Variants in RNF123 observed in about 807,000 individuals in gnomAD.
The protein encoded by RNF123 is ring finger protein 123.
A neutral mutation model predicts 168.5 loss-of-function variants in RNF123; 86 were observed. The observed-to-expected ratio is 0.51, with a 90% CI of 0.43 to 0.61. The LOEUF is 0.61. Ranked by LOEUF, RNF123 falls within the 20% of genes least tolerant of loss-of-function variation. The pLI, the probability that RNF123 is intolerant of heterozygous loss-of-function variation, is 0.00. For missense variants in RNF123, 1,419 were observed against 1,729.7 expected, an observed-to-expected ratio of 0.82 and a Z score of 3.19; for synonymous variants, 666 against 689.1, an observed-to-expected ratio of 0.97 and a Z score of 0.52.
chr3:49,704,064 T>C (rs1187528983), intron 21 of RNF123, among the ~76,000 whole-genome samples: 2 of 152,130 alleles, frequency 1.3e-5, no homozygotes, highest in East Asian at 3.9e-4. Context: ...CCAGAGGTTG[T>C]GTGGATGGGG....
chr3:49,705,723 G>C (rs371280884), intron 24 of RNF123, 44 bp downstream of exon 24: 9 of 1,611,406 alleles, frequency 5.6e-6, no homozygotes, highest in African/African-American at 1.3e-5. Context: ...GGTGTTGTGC[G>C]TGTTTGGTTG....
chr3:49,695,269 AT>A (rs80300762), intron 3 of RNF123, among the ~76,000 whole-genome samples: 99 of 147,006 alleles, frequency 6.7e-4, no homozygotes, highest in African/African-American at 1.3e-3. Context: ...CACCCAGCTA[AT>A]TTTTTTTTTT....
chr3:49,716,159 G>C lies in RNF123; in HGVS notation c.3397G>C (p.Val1133Leu), dbSNP rs1223450370. The C allele has an allele frequency of 6.2e-7, 1 of 1,613,646 alleles. No homozygotes were observed. The highest frequency in any genetic ancestry group is 2.2e-5 in the East Asian group (1 of 44,842). The stretch of plus-strand genomic sequence containing the variant: ...TGAGAGGAACCTGTTTGATCGTGTG[G>C]TCACCCTACGGCTGCCTGGTGAGGA... ...TAERNLFDRV[V>L]TLRLPGLESV... The change falls in exon 34 of 39, where the codon GTC becomes CTC. Residue 1133 changes from valine (V) to leucine (L), a missense_variant. Physicochemically the swap from Val to Leu is conservative, Grantham distance 32 (BLOSUM62 1). Around this residue, in one of 5 missense-constraint regions of RNF123, gnomAD observed 164 missense variants for 152.3 expected, o/e 1.08. Transcript: ENST00000327697.
chr3:49,715,490 A>G (rs1259222311), intron 31 of RNF123, 85 bp from the exon 32 acceptor site: 15 of 1,525,338 alleles, frequency 9.8e-6, no homozygotes, highest in Admixed American at 3.5e-5. Context: ...CTTATACCAA[A>G]GCCTCAATGG....
At chr3:49,716,748 A>C in intron 35 of RNF123, 1 of 450,258 alleles carries the variant, frequency 2.2e-6, no homozygotes, top group Middle Eastern at 6.0e-4. Context: ...CAGGCATGGG[A>C]GGCAGGACTC....
intron 26 of RNF123, among the ~76,000 whole-genome samples, chr3:49,707,509 C>A (rs753999961): frequency 5.3e-5 from 8 of 152,112 alleles, no homozygotes; most frequent in Non-Finnish European, 8.8e-5. Flanking sequence ...GAAGTTTCAC[C>A]CCCAGGCCTC....
At position 49,704,706 on chromosome 3, in the gene RNF123, G is replaced by A. The variant is rs1443522369; in HGVS notation, c.1909G>A (p.Ala637Thr). The change falls in exon 22 of 39, where the codon GCC (alanine) becomes ACC (threonine). Residue 637 changes from alanine to threonine, a missense_variant. Physicochemically the swap from Ala to Thr is moderately conservative, Grantham distance 58 (BLOSUM62 0). Around this residue, in one of 5 missense-constraint regions of RNF123, gnomAD observed 538 missense variants for 708.8 expected, o/e 0.76. Coordinates refer to ENST00000327697, the MANE Select transcript of RNF123 (RefSeq NM_022064.5). ...VIDPLELQST[A>T]MDDLDEDEEP... ...CGACCCACTGGAGCTCCAGTCAACC[G>A]CCATGGATGACCTAGATGAGGATGA... The A allele has an allele frequency of 7.5e-6, 12 of 1,603,716 alleles. No individual in the cohort carries two copies. The highest frequency in any genetic ancestry group is 2.7e-5 in the African/African-American group (2 of 74,820).
At chr3:49,709,704 G>C (rs1467129496) in intron 26 of RNF123, among the ~76,000 whole-genome samples, 2 of 152,136 alleles carry the variant, frequency 1.3e-5, no homozygotes, top group African/African-American at 4.8e-5. Flanking sequence ...CTCCCAAAGT[G>C]CTGGGGTTAC....
In RNF123 at chr3:49,713,983, G is replaced by A. The variant is rs867463024; in HGVS notation, c.2911G>A (p.Val971Met). Reference sequence around the variant, plus strand: ...CTGGGCCCAGACCAACTGGATCCTGGTGCGGCTCTGGAGGGTAAGCCTGAC... The same window carrying A: ...CTGGGCCCAGACCAACTGGATCCTGATGCGGCTCTGGAGGGTAAGCCTGAC... Reference protein sequence around the residue: ...RPWAQTNWILVRLWRGCGFGY... With the variant: ...RPWAQTNWILMRLWRGCGFGY... The change falls in exon 30 of 39, where the codon GTG (valine) becomes ATG (methionine). Residue 971 changes from valine to methionine, a missense_variant. By Grantham distance (21) the Val-to-Met change is conservative. Around this residue, in one of 5 missense-constraint regions of RNF123, gnomAD observed 538 missense variants for 708.8 expected, o/e 0.76. Transcript: ENST00000327697. The A allele has an allele frequency of 6.2e-7, 1 of 1,614,114 alleles. No homozygotes were observed. The highest frequency in any genetic ancestry group is 2.2e-5 in the East Asian group (1 of 44,888).
chr3:49,705,884 G>T (rs1164603829), intron 24 of RNF123, 98 bp from the exon 25 acceptor site: 1 of 1,487,764 alleles, frequency 6.7e-7, no homozygotes, highest in Non-Finnish European at 9.3e-7. Flanking sequence ...TGGGCCTAAG[G>T]TTGGGACCTT....
At chr3:49,698,666 C>G (rs935676135) in intron 8 of RNF123, 89 bp from the exon 9 acceptor site, 1 of 1,554,752 alleles carries the variant, frequency 6.4e-7, no homozygotes, top group Non-Finnish European at 8.8e-7. Flanking sequence ...GGCTAGTCTC[C>G]CTTGGGTGGT....
intron 3 of RNF123, among the ~76,000 whole-genome samples, chr3:49,693,553 C>T (rs1052693106): frequency 4.0e-5 from 6 of 151,730 alleles, no homozygotes; most frequent in African/African-American, 9.7e-5. Context: ...GATGGGGTTT[C>T]GCCATGTTGG....
chr3:49,702,083 T>C lies in RNF123; in HGVS notation c.1496T>C (p.Val499Ala). 1.2e-6 allele frequency: 2 copies of C among 1,613,742 alleles called. No homozygotes were observed. The highest frequency in any genetic ancestry group is 1.7e-6 in the Non-Finnish European group (2 of 1,179,822). The change falls in exon 18 of 39, where the codon GTG becomes GCG. Residue 499 changes from valine to alanine, a missense_variant and splice_region_variant. Transcript: ENST00000327697. ...GCCATGTTCCTCACCTGACCTCCAG[T>C]GGTGGAAGAACTACAGGTCCAGATC... ...GCQRLRKRIE[V>A]VEELQVQILK...
At chr3:49,715,073 A>G (rs945705409) in intron 31 of RNF123, among the ~76,000 whole-genome samples, 6 of 152,238 alleles carry the variant, frequency 3.9e-5, no homozygotes, top group African/African-American at 1.4e-4. Flanking sequence ...GGCTCCGGTT[A>G]CTGCTGCCTG....
intron 31 of RNF123, among the ~76,000 whole-genome samples, chr3:49,714,638 T>C (rs1021065094): frequency 1.3e-5 from 2 of 152,186 alleles, no homozygotes; most frequent in African/African-American, 2.4e-5. Context: ...GGAGCACAGA[T>C]TGGAGGTTGG....
intron 7 of RNF123, 78 bp downstream of exon 7, chr3:49,698,215 C>G: frequency 7.6e-7 from 1 of 1,318,466 alleles, no homozygotes; most frequent in East Asian, 2.3e-5. Context: ...GTCTCCAGAT[C>G]CCCTCAGAAC....
At chr3:49,698,220 C>A in intron 7 of RNF123, 83 bp downstream of exon 7, 1 of 1,300,638 alleles carries the variant, frequency 7.7e-7, no homozygotes, top group South Asian at 1.2e-5. Flanking sequence ...CAGATCCCCT[C>A]AGAACTGCCT....
At chr3:49,718,867 A>G (rs956360313) in intron 35 of RNF123, 1 of 1,613,346 alleles carries the variant, frequency 6.2e-7, no homozygotes, top group African/African-American at 1.3e-5. Context: ...CAGCTCAGGT[A>G]CGGAGATGTG....
chr3:49,697,929 C>T lies in RNF123; in HGVS notation c.387C>T (p.Cys129=), dbSNP rs768330454. The T allele has an allele frequency of 6.2e-6, 10 of 1,614,174 alleles. No individual in the cohort carries two copies. Among genetic ancestry groups the T allele is most frequent in the Middle Eastern group, 1.6e-4 (1 of 6,062 alleles). Residue 129 remains cysteine (C), a synonymous_variant, in exon 6 of 39, where the codon TGC becomes TGT. Transcript: ENST00000327697. ...SNFGTIRSTT[C]VYKGKWLYEV... is the part of the protein sequence containing the mutation. The stretch of plus-strand genomic sequence containing the variant: ...TTGGCACCATCCGCTCTACCACATG[C>T]GTGTACAAAGGTGAGACCTTACCCT...
Sources: gnomAD v4.1 joint callset for allele counts (sites outside exome capture counted in the v4.1 genomes callset) on GRCh38, gnomAD v4.1.1 for gene constraint, gnomAD v4.1.1 regional missense constraint, MANE v1.5 for transcripts, NCBI Gene and HGNC (gene_info 2026-07-23, HGNC 2026-07-21) for gene names.